MALRD1: variants seen among roughly 807,000 people sequenced by gnomAD.
MALRD1 encodes MAM and LDL receptor class A domain containing 1, also known as MAM and LDL-receptor class A domain-containing protein 1.
MALRD1 carries 247 observed loss-of-function variants against 242.1 expected under a neutral mutation model. The observed-to-expected ratio is 1.02, with a 90% confidence interval of 0.92 to 1.13. MALRD1 has a LOEUF of 1.13. Ranked by LOEUF, MALRD1 falls within the 50% of genes most tolerant of loss-of-function variation. The pLI, the probability that MALRD1 is intolerant of heterozygous loss-of-function variation, is 0.00. For synonymous variants in MALRD1, 995 were observed against 866.6 expected, an observed-to-expected ratio of 1.15 and a Z score of -2.60; for missense variants, 2,989 against 2,533.1, an observed-to-expected ratio of 1.18 and a Z score of -3.86.
At chr10:19,692,199 C>A in intron 36 of MALRD1, 83 bp from the exon 37 acceptor site, 2 of 1,035,638 alleles carry the variant, frequency 1.9e-6, no homozygotes, top group Non-Finnish European at 2.7e-6. Context: ...TATTGACATT[C>A]ATGATTTTAT....
intron 36 of MALRD1, among the ~76,000 whole-genome samples, chr10:19,656,271 A>T (rs1176313441): frequency 6.6e-6 from 1 of 152,160 alleles, no homozygotes; most frequent in East Asian, 1.9e-4. Flanking sequence ...ATTTATGCTA[A>T]CCACTTATAA....
Position 19,524,728 on chromosome 10 carries a change from GAA to G in MALRD1, c.5321-6458_5321-6457del, listed in dbSNP as rs113783958. ...CTTTATTTTATGAACAGGAAAATGA[GAA>G]AAAAAAAGTCTAAAACTGAGTCTTA... On this transcript the variant is annotated intron_variant, in intron 31 of 39. Coordinates refer to ENST00000454679, the MANE Select transcript of MALRD1 (RefSeq NM_001142308.3). Among the ~76,000 whole-genome samples, 1,293 of 150,748 alleles carry G rather than the reference GAA, an allele frequency of 8.6e-3. 14 individuals carry two copies. The highest frequency in any genetic ancestry group is 0.03 in the African/African-American group (1,231 of 41,158).
At chr10:19,286,275 A>T (rs1212192714) in intron 21 of MALRD1, among the ~76,000 whole-genome samples, 2 of 148,774 alleles carry the variant, frequency 1.3e-5, no homozygotes, top group African/African-American at 2.5e-5. Context: ...CCCTGGCCAG[A>T]ACTTCCAACA....
chr10:19,048,464 G>T (rs894130745), upstream of MALRD1, among the ~76,000 whole-genome samples: 7 of 152,044 alleles, frequency 4.6e-5, no homozygotes, highest in Admixed American at 2.6e-4. Context: ...TAATAATTGG[G>T]CCTGAAATTT....
chr10:19,451,894 T>G (rs901573829), intron 29 of MALRD1, among the ~76,000 whole-genome samples: 1 of 152,192 alleles, frequency 6.6e-6, no homozygotes, highest in African/African-American at 2.4e-5. Flanking sequence ...AAGGAGCATG[T>G]AGCTCCAGGT....
At chr10:19,715,837 C>T (rs189522955) in intron 38 of MALRD1, among the ~76,000 whole-genome samples, 262 of 152,260 alleles carry the variant, frequency 1.7e-3, no homozygotes, top group Non-Finnish European at 2.7e-3. Flanking sequence ...AGGTGCCATG[C>T]TCTTGTAAAC....
intron 18 of MALRD1, among the ~76,000 whole-genome samples, chr10:19,210,772 T>TA (rs1469904826): frequency 1.3e-5 from 2 of 152,188 alleles, no homozygotes; most frequent in African/African-American, 4.8e-5. Flanking sequence ...CAGATAGATA[T>TA]AAACCGAAAG....
At chr10:19,355,850 T>TAC (rs1248660265) in intron 26 of MALRD1, among the ~76,000 whole-genome samples, 2 of 52,608 alleles carry the variant, frequency 3.8e-5, no homozygotes, top group African/African-American at 2.7e-4. Context: ...ATATTATATA[T>TAC]ATATATATTA....
At chr10:19,405,860 T>A (rs1364435752) in intron 28 of MALRD1, among the ~76,000 whole-genome samples, 1 of 148,438 alleles carries the variant, frequency 6.7e-6, no homozygotes, top group East Asian at 1.9e-4. Context: ...AGGATGCATT[T>A]TTTTTTTTCC....
chr10:19,460,154 T>A (rs181946941), intron 29 of MALRD1, among the ~76,000 whole-genome samples: 67 of 152,230 alleles, frequency 4.4e-4, no homozygotes, highest in Middle Eastern at 6.8e-3. Flanking sequence ...TCAAGAAGGC[T>A]CCTACTTTAT....
chr10:19,085,090 C>T (rs934016615), intron 2 of MALRD1, among the ~76,000 whole-genome samples: 1 of 151,854 alleles, frequency 6.6e-6, no homozygotes. Flanking sequence ...AAAGGAAGTA[C>T]AAGAGGTTTA....
chr10:19,625,381 A>G (rs1346023708), intron 36 of MALRD1, among the ~76,000 whole-genome samples: 1 of 151,978 alleles, frequency 6.6e-6, no homozygotes, highest in South Asian at 2.1e-4. Context: ...GCTTTTGCCT[A>G]TTTTACGCTT....
At chr10:19,626,842 A>G (rs151190629) in intron 36 of MALRD1, among the ~76,000 whole-genome samples, 114 of 152,238 alleles carry the variant, frequency 7.5e-4, no homozygotes, top group African/African-American at 2.7e-3. Context: ...AATAATTTAG[A>G]TTTTTGTTTG....
At chr10:19,247,236 G>C (rs980549159) in intron 18 of MALRD1, among the ~76,000 whole-genome samples, 1 of 151,724 alleles carries the variant, frequency 6.6e-6, no homozygotes, top group Non-Finnish European at 1.5e-5. Context: ...AACTGAAAAA[G>C]AAATACAAAA....
intron 28 of MALRD1, among the ~76,000 whole-genome samples, chr10:19,391,400 G>A (rs571626464): frequency 6.6e-6 from 1 of 152,142 alleles, no homozygotes; most frequent in Non-Finnish European, 1.5e-5. Context: ...TTACAGAGTA[G>A]TTATTTGGCT....
chr10:19,317,530 G>T (rs1842757708), intron 21 of MALRD1, among the ~76,000 whole-genome samples: 1 of 151,938 alleles, frequency 6.6e-6, no homozygotes, highest in South Asian at 2.1e-4. Context: ...ATTATGTCTT[G>T]TCAGATATGC....
chr10:19,540,597 C>T (rs975064154), intron 32 of MALRD1, among the ~76,000 whole-genome samples: 1 of 151,984 alleles, frequency 6.6e-6, no homozygotes, highest in Non-Finnish European at 1.5e-5. Flanking sequence ...AATGATAACC[C>T]TTGTTAATGA....
intron 21 of MALRD1, among the ~76,000 whole-genome samples, chr10:19,305,617 A>AT (rs1842129534): frequency 6.6e-6 from 1 of 150,760 alleles, no homozygotes. Flanking sequence ...TTTCCAGCCT[A>AT]TGTCTTCATT....
chr10:19,629,647 T>A (rs1195910839), intron 36 of MALRD1, among the ~76,000 whole-genome samples: 3 of 152,194 alleles, frequency 2.0e-5, no homozygotes, highest in African/African-American at 7.2e-5. Flanking sequence ...GTGTGATGTG[T>A]GTGCATGTGG....
Sources: gnomAD v4.1 joint callset for allele counts (sites outside exome capture counted in the v4.1 genomes callset) on GRCh38, gnomAD v4.1.1 for gene constraint, MANE v1.5 for transcripts, NCBI Gene and HGNC (gene_info 2026-07-23, HGNC 2026-07-21) for gene names.